TRIM2: variants seen among roughly 807,000 people sequenced by gnomAD.
TRIM2 encodes the protein tripartite motif containing 2, also known as tripartite motif-containing protein 2.
In TRIM2, 20 loss-of-function variants were observed where a neutral mutation model predicts 75.2. That is an observed-to-expected ratio of 0.27 (90% CI 0.19 to 0.39). The LOEUF is 0.39. Ranked by LOEUF, TRIM2 falls within the 10% of genes least tolerant of loss-of-function variation. TRIM2 has a pLI of 1.00. For synonymous variants in TRIM2, 373 were observed against 388.3 expected (o/e 0.96, Z 0.46); for missense variants, 660 against 990.8 (o/e 0.67, Z 4.48).
At chr4:153,196,304 G>C (rs138535382) in intron 1 of TRIM2, among the ~76,000 whole-genome samples, 204 of 151,848 alleles carry the variant, frequency 1.3e-3, no homozygotes, top group African/African-American at 4.5e-3. Flanking sequence ...GGGTGCAGTG[G>C]TGCATGCCTG....
At chr4:153,194,404 C>T (rs941617665) in intron 1 of TRIM2, among the ~76,000 whole-genome samples, 3 of 151,926 alleles carry the variant, frequency 2.0e-5, no homozygotes, top group Admixed American at 2.0e-4. Flanking sequence ...ATTTTCATTC[C>T]ACTTAATCAT....
chr4:153,235,690 C>T (rs1744849947), intron 1 of TRIM2, among the ~76,000 whole-genome samples: 1 of 152,164 alleles, frequency 6.6e-6, no homozygotes, highest in Admixed American at 6.6e-5. Context: ...AAAGAAGGCT[C>T]AATTCACCTC....
chr4:153,298,060 A>C (rs1240387716), intron 6 of TRIM2, among the ~76,000 whole-genome samples: 1 of 152,182 alleles, frequency 6.6e-6, no homozygotes, highest in African/African-American at 2.4e-5. Flanking sequence ...TTGATTCTCC[A>C]GATCCCACCC....
In TRIM2 at chr4:153,315,834, A is replaced by G; in HGVS notation, c.1617A>G (p.Ile539Met). The change falls in exon 8 of 12, where the codon ATA becomes ATG. Residue 539 changes from isoleucine to methionine, a missense_variant and splice_region_variant. Transcript: ENST00000338700. ...IADSNNQCVQ[I>M]FSNDGQFKSR... The stretch of plus-strand genomic sequence containing the variant: ...AATGAATGTAATTTATCTTACAGAT[A>G]TTTTCCAATGATGGCCAGTTCAAAA... 3 of 1,614,092 alleles carry G rather than the reference A, an allele frequency of 1.9e-6. No individual in the cohort carries two copies. Among genetic ancestry groups the G allele is most frequent in the Non-Finnish European group, 2.5e-6 (3 of 1,180,024 alleles).
At chr4:153,222,046 A>AAGGAAGGAAAGAGCGAGGAAGGG (rs1740623719) in intron 1 of TRIM2, among the ~76,000 whole-genome samples, 1 of 35,170 alleles carries the variant, frequency 2.8e-5, no homozygotes, top group Admixed American at 3.9e-4. Context: ...AAGAGCGAGG[A>AAGGAAGGAAAGAGCGAGGAAGGG]AGGGAGGGAG....
intron 1 of TRIM2, chr4:153,257,641 C>T (rs1018684452): frequency 1.4e-5 from 17 of 1,244,072 alleles, no homozygotes; most frequent in Admixed American, 2.3e-5. Context: ...TTGCATGGTG[C>T]TTCCCAACTT....
chr4:153,284,185 T>G (rs1357251667), intron 3 of TRIM2, among the ~76,000 whole-genome samples: 1 of 146,100 alleles, frequency 6.8e-6, no homozygotes, highest in Non-Finnish European at 1.5e-5. Context: ...GGCCTGGTTT[T>G]TTTTGTTTTG....
At chr4:153,204,604 G>C (rs1473664687) in intron 1 of TRIM2, 44 bp downstream of exon 1, 2 of 1,551,452 alleles carry the variant, frequency 1.3e-6, no homozygotes, top group Admixed American at 2.0e-5. Context: ...TTCTGGGCCA[G>C]CTGGTTAATC....
At chr4:153,209,915 A>G (rs1179244248) in intron 1 of TRIM2, among the ~76,000 whole-genome samples, 1 of 152,136 alleles carries the variant, frequency 6.6e-6, no homozygotes, top group African/African-American at 2.4e-5. Flanking sequence ...TTTGCAGGAG[A>G]ATAAAATAGA....
At chr4:153,312,465 A>G (rs916242504) in intron 6 of TRIM2, among the ~76,000 whole-genome samples, 4 of 152,216 alleles carry the variant, frequency 2.6e-5, no homozygotes, top group Non-Finnish European at 5.9e-5. Flanking sequence ...AATGCTCACC[A>G]TCACTGGCCA....
At chr4:153,161,853 AG>A (rs550818914) in intron 1 of TRIM2, among the ~76,000 whole-genome samples, 295 of 152,352 alleles carry the variant, frequency 1.9e-3, no homozygotes, top group Non-Finnish European at 3.6e-3. Flanking sequence ...TGTCCTCTGC[AG>A]CTAACTTATT....
chr4:153,202,997 C>T (rs1484868376), upstream of TRIM2, among the ~76,000 whole-genome samples: 4 of 149,424 alleles, frequency 2.7e-5, no homozygotes, highest in Non-Finnish European at 5.9e-5. Context: ...CCCAGCTACT[C>T]AGGAGCCTGA....
chr4:153,300,672 G>A lies in TRIM2; in HGVS notation c.1510+4636G>A, dbSNP rs544440373. Among the ~76,000 whole-genome samples, 33 of 151,912 alleles carry A rather than the reference G, an allele frequency of 2.2e-4. No individual in the cohort carries two copies. The South Asian group carries it at 5.2e-3, about 24-fold the overall frequency. ...CCCAAGTAGCTGAGACTACAGGCAC[G>A]CACTAGCACACCCAGCTAATTTTTG... On this transcript the variant is annotated intron_variant, in intron 6 of 11. Coordinates refer to ENST00000338700, the MANE Select transcript of TRIM2 (RefSeq NM_015271.5).
At chr4:153,296,160 C>G (rs2150146800) in intron 6 of TRIM2, 124 bp downstream of exon 6, 1 of 1,249,390 alleles carries the variant, frequency 8.0e-7, no homozygotes, top group East Asian at 2.6e-5. Flanking sequence ...AGGAGATGTA[C>G]TGCTATAAAA....
Position 153,335,885 on chromosome 4 carries a change from A to C in TRIM2, c.*919A>C. 1 of 985,852 alleles carries C rather than the reference A, an allele frequency of 1.0e-6. No homozygotes were observed. Among genetic ancestry groups the C allele is most frequent in the African/African-American group, 1.7e-5 (1 of 57,348 alleles). 61.1% of individuals were successfully genotyped at this position (985,852 alleles called of 1,614,324 possible). A position where few individuals can be genotyped will look rare whatever the true frequency, so the allele number is the denominator to read the frequency against. ...TGCAAATGTCAGCACATGTAGTAGG[A>C]CACCAGTATCCTAGGACAGAGAGCC... On this transcript the variant is annotated 3_prime_UTR_variant, in exon 12 of 12. Transcript: ENST00000338700.
intron 1 of TRIM2, among the ~76,000 whole-genome samples, chr4:153,169,332 A>T (rs1254739365): frequency 6.6e-6 from 1 of 151,974 alleles, no homozygotes; most frequent in Non-Finnish European, 1.5e-5. Flanking sequence ...GAAAACTTAG[A>T]CTCCCACACC....
chr4:153,281,797 G>T (rs1284289196), intron 3 of TRIM2, among the ~76,000 whole-genome samples: 1 of 152,206 alleles, frequency 6.6e-6, no homozygotes, highest in Non-Finnish European at 1.5e-5. Flanking sequence ...GATCTAACAG[G>T]TTCTTTGCAC....
chr4:153,175,691 A>T (rs1000835410), intron 1 of TRIM2, among the ~76,000 whole-genome samples: 1 of 152,190 alleles, frequency 6.6e-6, no homozygotes, highest in Non-Finnish European at 1.5e-5. Flanking sequence ...ATACTCTCTT[A>T]AAAAGTGATA....
Position 153,338,401 on chromosome 4 carries a change from A to G in TRIM2, c.*3435A>G. 1 of 985,742 alleles carries G rather than the reference A, an allele frequency of 1.0e-6. No homozygotes were observed. The highest frequency in any genetic ancestry group is 4.7e-5 in the South Asian group (1 of 21,278). The allele number at this position is 985,742 out of a possible 1,614,324, so 61.1% of individuals were successfully genotyped here. On this transcript the variant is annotated 3_prime_UTR_variant, in exon 12 of 12. Coordinates refer to ENST00000338700, the MANE Select transcript of TRIM2 (RefSeq NM_015271.5). Reference sequence around the variant, plus strand: ...AGTATTTTTAGTTTGACAATTTAATAATTTAAAAACAAGACATCTCCAGGT... The same window carrying G: ...AGTATTTTTAGTTTGACAATTTAATGATTTAAAAACAAGACATCTCCAGGT...
Sources: allele counts gnomAD v4.1 joint callset (sites outside exome capture counted in the v4.1 genomes callset), GRCh38; gene constraint gnomAD v4.1.1; transcripts MANE v1.5; gene names NCBI Gene and HGNC (gene_info 2026-07-23, HGNC 2026-07-21).